SLC1A7: variants seen among roughly 807,000 people sequenced by gnomAD.
SLC1A7 encodes solute carrier family 1 member 7, also known as excitatory amino acid transporter 5.
A neutral mutation model predicts 47.7 loss-of-function variants in SLC1A7; 40 were observed. The observed-to-expected ratio is 0.84, with a 90% CI of 0.65 to 1.09. The LOEUF is 1.09. SLC1A7 is among the 50% of genes least tolerant of loss of function. SLC1A7 has a pLI of 0.00. For synonymous variants in SLC1A7, 323 were observed against 325.6 expected, an observed-to-expected ratio of 0.99 and a Z score of 0.09; for missense variants, 746 against 769.5, an observed-to-expected ratio of 0.97 and a Z score of 0.36.
Position 53,142,519 on chromosome 1 carries a change from G to C in SLC1A7, c.-70C>G. 1 of 1,556,416 alleles carries C rather than the reference G, an allele frequency of 6.4e-7. No homozygotes were observed. Among genetic ancestry groups the C allele is most frequent in the Non-Finnish European group, 8.7e-7 (1 of 1,150,588 alleles). On this transcript the variant is annotated 5_prime_UTR_variant, in exon 1 of 11. Coordinates refer to ENST00000371494, the MANE Select transcript of SLC1A7 (RefSeq NM_006671.6). Reference sequence around the variant, plus strand: ...ATGAGAGCCCGGCCGGGGGCACAGGGTCTGGGCTGAGGGCTCTAGCCCCTC... The same window carrying C: ...ATGAGAGCCCGGCCGGGGGCACAGGCTCTGGGCTGAGGGCTCTAGCCCCTC...
intron 4 of SLC1A7, among the ~76,000 whole-genome samples, chr1:53,104,085 A>C (rs1422318706): frequency 6.6e-6 from 1 of 152,152 alleles, no homozygotes; most frequent in East Asian, 1.9e-4. Flanking sequence ...CTGCCCCCAG[A>C]GCATTCATGG....
intron 5 of SLC1A7, among the ~76,000 whole-genome samples, chr1:53,094,442 C>T (rs1320723571): frequency 6.6e-6 from 1 of 152,230 alleles, no homozygotes; most frequent in Non-Finnish European, 1.5e-5. Context: ...AGAGCACTCT[C>T]TACAGCTGCC....
intron 5 of SLC1A7, among the ~76,000 whole-genome samples, chr1:53,100,588 AGTACACTCACACAACCTGCCTCG>A (rs1557672825): frequency 2.0e-5 from 3 of 146,986 alleles, no homozygotes; most frequent in African/African-American, 5.2e-5. Context: ...ATACCACCTC[AGTACACTCACACAACCTGCCTCG>A]GTACACTCAC....
At chr1:53,119,680 T>C (rs550106158) in intron 2 of SLC1A7, among the ~76,000 whole-genome samples, 2 of 152,216 alleles carry the variant, frequency 1.3e-5, no homozygotes, top group East Asian at 1.9e-4. Flanking sequence ...ATCCAGCCCA[T>C]GTAAAGCCAT....
intron 2 of SLC1A7, among the ~76,000 whole-genome samples, chr1:53,125,717 G>A (rs529464762): frequency 3.3e-5 from 5 of 152,320 alleles, no homozygotes; most frequent in Admixed American, 1.3e-4. Context: ...CCTGAGCAGC[G>A]TTGTGCACCT....
intron 3 of SLC1A7, among the ~76,000 whole-genome samples, chr1:53,113,711 T>A (rs1644724588): frequency 6.6e-6 from 1 of 152,170 alleles, no homozygotes. Context: ...CTTCTCTGTA[T>A]AAAACTCATT....
Position 53,088,111 on chromosome 1 carries a change from G to T in SLC1A7, c.1581C>A (p.Cys527Ter), listed in dbSNP as rs201766945. 3 of 1,612,040 alleles carry T rather than the reference G, an allele frequency of 1.9e-6. No individual in the cohort carries two copies. The highest frequency in any genetic ancestry group is 1.7e-6 in the Non-Finnish European group (2 of 1,178,868). The change falls in exon 11 of 11, where the codon TGC becomes TGA. Residue 527 changes from cysteine (C) to a stop codon, truncating the protein, a stop_gained. Transcript: ENST00000371494. LOFTEE classifies it high-confidence loss of function. The stretch of plus-strand genomic sequence containing the variant: ...CCACTTGAACGGGGACGTGGTGGGG[G>T]CAGGTGGGGCCCAGGGTGAGCTCGG... The part of the protein sequence containing the change: ...EASELTLGPT[C>*]PHHVPVQVEQ...
intron 3 of SLC1A7, chr1:53,114,490 G>T: frequency 2.1e-6 from 1 of 475,480 alleles, no homozygotes; most frequent in East Asian, 3.3e-5. Context: ...CCTACAGGCT[G>T]GGCATCAGCA....
intron 2 of SLC1A7, among the ~76,000 whole-genome samples, chr1:53,132,243 C>T (rs1443038386): frequency 6.6e-6 from 1 of 152,118 alleles, no homozygotes; most frequent in African/African-American, 2.4e-5. Context: ...TTCTCAAGAT[C>T]CTTCTGGCCA....
intron 6 of SLC1A7, 36 bp downstream of exon 6, chr1:53,093,425 C>T: frequency 2.6e-6 from 4 of 1,520,596 alleles, no homozygotes; most frequent in Non-Finnish European, 3.6e-6. Context: ...CCACCCAGGG[C>T]TGGCCGGGGT....
intron 3 of SLC1A7, among the ~76,000 whole-genome samples, chr1:53,106,856 C>A (rs1472051646): frequency 6.6e-6 from 1 of 152,018 alleles, no homozygotes; most frequent in African/African-American, 2.4e-5. Flanking sequence ...ATAAATAAGT[C>A]TTTGAAAAAT....
chr1:53,108,577 G>C (rs1024127725), intron 3 of SLC1A7: 26 of 717,934 alleles, frequency 3.6e-5, no homozygotes, highest in Non-Finnish European at 6.0e-5. Flanking sequence ...AAACTCTTAA[G>C]GAGGTGCCCA....
chr1:53,090,600 G>C lies in SLC1A7; in HGVS notation c.1226+12C>G, dbSNP rs950885569. The C allele has an allele frequency of 1.9e-6, 3 of 1,566,790 alleles. No homozygotes were observed. The highest frequency in any genetic ancestry group is 2.7e-5 in the African/African-American group (2 of 74,362). ...CCCGCCCCATCCACCCAGGTGCAGT[G>C]TCAGGGTGCACCTGATGGTGATGAT... On this transcript the variant is annotated intron_variant, in intron 8 of 10. Transcript: ENST00000371494.
intron 1 of SLC1A7, among the ~76,000 whole-genome samples, chr1:53,139,789 C>T (rs923682780): frequency 6.6e-6 from 1 of 151,992 alleles, no homozygotes; most frequent in African/African-American, 2.4e-5. Context: ...CTTTTATATT[C>T]TCTTTATTCT....
At chr1:53,093,876 C>T in intron 5 of SLC1A7, among the ~76,000 whole-genome samples, 1 of 152,198 alleles carries the variant, frequency 6.6e-6, no homozygotes, top group East Asian at 1.9e-4. Context: ...AGCTCGATGC[C>T]TCAGCCCCAC....
chr1:53,103,183 G>A, intron 5 of SLC1A7, 163 bp downstream of exon 5: 1 of 578,872 alleles, frequency 1.7e-6, no homozygotes, highest in South Asian at 2.5e-5. Flanking sequence ...GGGGTGGGGA[G>A]GCGAAGGATT....
In SLC1A7 at chr1:53,092,789, T is replaced by TG; in HGVS notation, c.798-3dup. On this transcript the variant is annotated splice_region_variant and splice_polypyrimidine_tract_variant and intron_variant, in intron 6 of 10. Coordinates refer to ENST00000371494, the MANE Select transcript of SLC1A7 (RefSeq NM_006671.6). ...AACACAATGCCGAAGGGGAAATACC[T>TG]GGGGGCGGCGGGGCAGCCAGGCTCA... 6.2e-7 allele frequency: 1 copy of TG among 1,603,826 alleles called. No homozygotes were observed. The highest frequency in any genetic ancestry group is 8.5e-7 in the Non-Finnish European group (1 of 1,171,252).
chr1:53,136,668 T>TA (rs1557693580), intron 1 of SLC1A7, among the ~76,000 whole-genome samples: 21 of 4,940 alleles, frequency 4.3e-3, no homozygotes, highest in African/African-American at 8.0e-3. Flanking sequence ...ATATATATAT[T>TA]TTTTTTTTTT....
intron 5 of SLC1A7, among the ~76,000 whole-genome samples, chr1:53,095,393 A>T (rs1360147462): frequency 6.6e-6 from 1 of 151,946 alleles, no homozygotes; most frequent in Non-Finnish European, 1.5e-5. Flanking sequence ...CATACACAGT[A>T]AGCCACACCC....
Sources: gnomAD v4.1 joint callset for allele counts (sites outside exome capture counted in the v4.1 genomes callset) on GRCh38, gnomAD v4.1.1 for gene constraint, MANE v1.5 for transcripts, NCBI Gene and HGNC (gene_info 2026-07-23, HGNC 2026-07-21) for gene names.